Variants in COP1 observed in about 807,000 individuals in gnomAD.
COP1 encodes the protein COP1 E3 ubiquitin ligase.
COP1 carries 24 observed loss-of-function variants against 101.3 expected under a neutral mutation model. The observed-to-expected ratio is 0.24, with a 90% CI of 0.17 to 0.33. The LOEUF (loss-of-function observed/expected upper bound fraction) is 0.33, where lower values mean the gene tolerates loss of function less well. Among genes scored for constraint, COP1 ranks in the 10% least tolerant of loss-of-function variants. The pLI is 1.00. For synonymous variants in COP1, 347 were observed against 341.9 expected, an observed-to-expected ratio of 1.01 and a Z score of -0.17; for missense variants, 663 against 906.2, an observed-to-expected ratio of 0.73 and a Z score of 3.45.
At chr1:176,089,362 A>C (rs1401653419) in intron 9 of COP1, among the ~76,000 whole-genome samples, 6 of 152,234 alleles carry the variant, frequency 3.9e-5, no homozygotes. Context: ...TTAAGAGGCA[A>C]TAATATACAC....
At chr1:176,116,530 T>C in intron 9 of COP1, 94 bp downstream of exon 9, 3 of 1,015,474 alleles carry the variant, frequency 3.0e-6, no homozygotes, top group South Asian at 2.9e-5. Context: ...ATGGTTGTCT[T>C]TGTGACAGGA....
chr1:175,994,453 C>T (rs534695099), intron 15 of COP1, among the ~76,000 whole-genome samples: 57 of 152,140 alleles, frequency 3.7e-4, no homozygotes, highest in South Asian at 1.2e-3. Context: ...GACTGGCAAA[C>T]TGGATAAAGA....
intron 8 of COP1, among the ~76,000 whole-genome samples, chr1:176,132,215 T>C (rs771538844): frequency 2.0e-5 from 3 of 151,694 alleles, no homozygotes; most frequent in African/African-American, 7.3e-5. Flanking sequence ...AAGTAAACAT[T>C]TTAAAATCTA....
chr1:176,140,714 C>T (rs1320671357), intron 6 of COP1, among the ~76,000 whole-genome samples: 2 of 152,078 alleles, frequency 1.3e-5, no homozygotes, highest in African/African-American at 4.8e-5. Flanking sequence ...GTTCAAGAAG[C>T]TGAACTGCTA....
chr1:176,195,228 T>C (rs1572795482), intron 1 of COP1, among the ~76,000 whole-genome samples: 1 of 152,142 alleles, frequency 6.6e-6, no homozygotes, highest in Admixed American at 6.6e-5. Context: ...TCAAAGTAGA[T>C]TTCAGAACAA....
At chr1:175,992,621 C>G (rs936152412) in intron 15 of COP1, among the ~76,000 whole-genome samples, 1 of 152,226 alleles carries the variant, frequency 6.6e-6, no homozygotes, top group Non-Finnish European at 1.5e-5. Flanking sequence ...GAGGGTCCTA[C>G]GCCCACGGAG....
intron 8 of COP1, among the ~76,000 whole-genome samples, chr1:176,117,877 A>T (rs765488716): frequency 1.2e-4 from 18 of 152,148 alleles, no homozygotes; most frequent in Non-Finnish European, 2.4e-4. Flanking sequence ...CCTGGGCAAC[A>T]GAGCAAGACT....
At chr1:175,987,220 T>G (rs978335439) in intron 17 of COP1, 117 bp from the exon 18 acceptor site, 2 of 533,672 alleles carry the variant, frequency 3.7e-6, no homozygotes, top group Non-Finnish European at 3.2e-6. Context: ...ATGGGCAAAT[T>G]TGAAAGGCTA....
intron 1 of COP1, among the ~76,000 whole-genome samples, chr1:176,190,788 TG>T: frequency 6.6e-6 from 1 of 152,130 alleles, no homozygotes; most frequent in African/African-American, 2.4e-5. Context: ...CAAACTAATA[TG>T]TACATAGTTC....
At chr1:176,125,058 T>A (rs1054610296) in intron 8 of COP1, among the ~76,000 whole-genome samples, 1 of 152,140 alleles carries the variant, frequency 6.6e-6, no homozygotes, top group Non-Finnish European at 1.5e-5. Flanking sequence ...GCCATGTTTG[T>A]CTTGAGAAAT....
intron 15 of COP1, among the ~76,000 whole-genome samples, chr1:175,996,398 G>C (rs1660169518): frequency 6.6e-6 from 1 of 152,096 alleles, no homozygotes; most frequent in South Asian, 2.1e-4. Flanking sequence ...TTCTGGCCAG[G>C]GCAATTAGGC....
intron 8 of COP1, among the ~76,000 whole-genome samples, chr1:176,128,525 A>G (rs1368658670): frequency 1.3e-5 from 2 of 152,038 alleles, no homozygotes; most frequent in Non-Finnish European, 2.9e-5. Flanking sequence ...TCACAAGAAT[A>G]AAACAATCAA....
intron 18 of COP1, among the ~76,000 whole-genome samples, chr1:175,985,181 T>C (rs1204674886): frequency 1.3e-5 from 2 of 152,230 alleles, no homozygotes; most frequent in Non-Finnish European, 2.9e-5. Context: ...TTGTCTTTCA[T>C]CTTGTAAGCA....
intron 9 of COP1, among the ~76,000 whole-genome samples, chr1:176,106,997 G>C (rs1226408240): frequency 6.6e-6 from 1 of 152,046 alleles, no homozygotes; most frequent in East Asian, 1.9e-4. Context: ...ACCTAGCAGT[G>C]GAAGGACAAA....
chr1:176,116,694 G>A lies in COP1; in HGVS notation c.969-13C>T, dbSNP rs775203526. ...ATCAATAATACTACTGCAAAATGAA[G>A]AGAAAAAAATGTGATTTCAGTATTT... is the stretch of plus-strand genomic sequence containing the variant. On this transcript the variant is annotated splice_polypyrimidine_tract_variant and intron_variant, in intron 8 of 19. Transcript: ENST00000367669. 16 of 1,584,594 alleles carry A rather than the reference G, an allele frequency of 1.0e-5. No individual in the cohort carries two copies. The highest frequency in any genetic ancestry group is 6.9e-5 in the South Asian group (6 of 87,564).
chr1:176,049,484 G>A lies in COP1; in HGVS notation c.1278-3160C>T, dbSNP rs541484607. On this transcript the variant is annotated intron_variant, in intron 11 of 19. Transcript: ENST00000367669. Reference sequence around the variant, plus strand: ...AAGATCCTTTTATACTGTAAAAATAGATTTTAATAGAAATATTAATCAAAA... The same window carrying A: ...AAGATCCTTTTATACTGTAAAAATAAATTTTAATAGAAATATTAATCAAAA... 3.9e-5 allele frequency among the ~76,000 whole-genome samples: 6 copies of A among 151,916 alleles called. No homozygotes were observed. The East Asian group carries it at 9.7e-4, about 24-fold the overall frequency.
At chr1:176,076,341 A>T (rs1472198192) in intron 11 of COP1, among the ~76,000 whole-genome samples, 1 of 152,204 alleles carries the variant, frequency 6.6e-6, no homozygotes, top group Non-Finnish European at 1.5e-5. Flanking sequence ...ACACAAAAAC[A>T]TTAAAATTAA....
intron 11 of COP1, among the ~76,000 whole-genome samples, chr1:176,063,962 A>G (rs1214536353): frequency 6.6e-6 from 1 of 152,200 alleles, no homozygotes; most frequent in East Asian, 1.9e-4. Context: ...ATCCGACAAA[A>G]GCCACTTTCT....
At chr1:176,104,063 TAAC>T (rs1683896647) in intron 9 of COP1, among the ~76,000 whole-genome samples, 1 of 152,232 alleles carries the variant, frequency 6.6e-6, no homozygotes, top group African/African-American at 2.4e-5. Flanking sequence ...AAAGGAATGA[TAAC>T]AATACAGAAA....
Sources: gnomAD v4.1 joint callset for allele counts (sites outside exome capture counted in the v4.1 genomes callset) on GRCh38, gnomAD v4.1.1 for gene constraint, MANE v1.5 for transcripts, NCBI Gene and HGNC (gene_info 2026-07-23, HGNC 2026-07-21) for gene names.